Variants in DCC observed in about 807,000 individuals in gnomAD.
DCC encodes the protein netrin receptor DCC.
Under a neutral mutation model 172.5 loss-of-function variants are expected in DCC, and 58 were observed. The ratio of observed to expected loss-of-function variants is 0.34; its 90% CI spans 0.27 to 0.42. DCC has a LOEUF of 0.42. Ranked by LOEUF, DCC falls within the 10% of genes least tolerant of loss-of-function variation. The pLI, the probability that DCC is intolerant of heterozygous loss-of-function variation, is 1.00. For missense variants in DCC, 1,740 were observed against 1,791.0 expected (o/e 0.97, Z 0.51); for synonymous variants, 709 against 644.5 (o/e 1.10, Z -1.52).
At chr18:53,342,880 T>TATTCCTAAATATATATACATAGGTA (rs1568068827) in intron 15 of DCC, among the ~76,000 whole-genome samples, 1 of 148,014 alleles carries the variant, frequency 6.8e-6, no homozygotes, top group Admixed American at 6.8e-5. Context: ...TATATTTGAA[T>TATTCCTAAATATATATACATAGGTA]TATTTTAAAT....
At chr18:53,093,836 G>A (rs2043047318) in intron 7 of DCC, among the ~76,000 whole-genome samples, 1 of 152,140 alleles carries the variant, frequency 6.6e-6, no homozygotes, top group Non-Finnish European at 1.5e-5. Flanking sequence ...TTTGTATTCA[G>A]CGATAAACGC....
chr18:53,420,591 G>A (rs11082997), intron 21 of DCC, among the ~76,000 whole-genome samples: 65,700 of 151,958 alleles, frequency 0.43, 15,991 homozygotes, highest in Non-Finnish European at 0.56. Flanking sequence ...TGGCTTGCAG[G>A]TGGCCTTCTC....
chr18:52,970,828 A>G (rs1211607264), intron 5 of DCC, among the ~76,000 whole-genome samples: 1 of 152,128 alleles, frequency 6.6e-6, no homozygotes, highest in Non-Finnish European at 1.5e-5. Flanking sequence ...TAACAAGTGG[A>G]GCTTGGGGTA....
intron 2 of DCC, among the ~76,000 whole-genome samples, chr18:52,898,657 A>G (rs2039767036): frequency 6.6e-6 from 1 of 151,400 alleles, no homozygotes; most frequent in African/African-American, 2.4e-5. Flanking sequence ...GTCCCTACAG[A>G]TTTAGCAGCT....
intron 1 of DCC, among the ~76,000 whole-genome samples, chr18:52,740,173 A>G (rs1184817368): frequency 6.6e-6 from 1 of 152,152 alleles, no homozygotes. Flanking sequence ...CTGACCTTCT[A>G]GAGAGGCTTC....
intron 2 of DCC, among the ~76,000 whole-genome samples, chr18:52,798,977 G>C (rs939629581): frequency 3.3e-5 from 5 of 152,054 alleles, no homozygotes; most frequent in African/African-American, 1.2e-4. Flanking sequence ...TCGAACTCCT[G>C]ACCTTAGGCA....
intron 1 of DCC, among the ~76,000 whole-genome samples, chr18:52,712,035 C>T (rs1471762302): frequency 2.6e-5 from 4 of 151,772 alleles, no homozygotes; most frequent in African/African-American, 9.7e-5. Context: ...GACCTTGGCT[C>T]GCTGCAACCT....
At chr18:53,448,232 A>T (rs949776102) in intron 22 of DCC, among the ~76,000 whole-genome samples, 1 of 152,130 alleles carries the variant, frequency 6.6e-6, no homozygotes, top group Non-Finnish European at 1.5e-5. Context: ...CATAGCTGAG[A>T]CTGGGTAATT....
intron 12 of DCC, among the ~76,000 whole-genome samples, chr18:53,293,648 G>A (rs1448558430): frequency 6.6e-6 from 1 of 151,956 alleles, no homozygotes; most frequent in Non-Finnish European, 1.5e-5. Context: ...AGTAGGCCCT[G>A]GTGTCTTTTG....
intron 17 of DCC, among the ~76,000 whole-genome samples, chr18:53,395,450 C>A (rs1274485877): frequency 6.6e-6 from 1 of 152,054 alleles, no homozygotes; most frequent in Non-Finnish European, 1.5e-5. Context: ...TTCTTATTGC[C>A]TCATTTCTCC....
chr18:52,372,619 AT>A (rs76260524), intron 1 of DCC, among the ~76,000 whole-genome samples: 12,254 of 152,254 alleles, frequency 0.08, 706 homozygotes, highest in South Asian at 0.2. Flanking sequence ...ACTTTTTGTC[AT>A]TTAACGTGAG....
chr18:53,392,246 A>C (rs1377179732), intron 17 of DCC, among the ~76,000 whole-genome samples: 5 of 151,378 alleles, frequency 3.3e-5, no homozygotes, highest in Non-Finnish European at 7.4e-5. Flanking sequence ...TTCCATTTGG[A>C]ATCTAGATTG....
intron 15 of DCC, among the ~76,000 whole-genome samples, chr18:53,364,361 T>G (rs527796046): frequency 6.6e-6 from 1 of 152,112 alleles, no homozygotes; most frequent in African/African-American, 2.4e-5. Context: ...AAATTGCCCC[T>G]GTTTTTTTCA....
At chr18:52,483,979 T>C (rs764002187) in intron 1 of DCC, among the ~76,000 whole-genome samples, 2 of 152,152 alleles carry the variant, frequency 1.3e-5, no homozygotes, top group Admixed American at 6.6e-5. Flanking sequence ...GTTTTTAATA[T>C]CTAAGAGCTC....
At chr18:52,391,100 A>G (rs1377900220) in intron 1 of DCC, among the ~76,000 whole-genome samples, 2 of 152,060 alleles carry the variant, frequency 1.3e-5, no homozygotes, top group Non-Finnish European at 2.9e-5. Flanking sequence ...TTCTTAAACC[A>G]AAATTATAAA....
chr18:53,030,858 T>C (rs974431684), intron 5 of DCC, among the ~76,000 whole-genome samples: 1 of 152,166 alleles, frequency 6.6e-6, no homozygotes, highest in Non-Finnish European at 1.5e-5. Context: ...ACCTGCACAC[T>C]AGGAGGCAGG....
intron 5 of DCC, among the ~76,000 whole-genome samples, chr18:53,039,116 T>C (rs866951871): frequency 3.9e-5 from 6 of 152,152 alleles, no homozygotes; most frequent in Middle Eastern, 3.4e-3. Flanking sequence ...ATAGATTTAT[T>C]ACACAAAGTC....
intron 1 of DCC, among the ~76,000 whole-genome samples, chr18:52,530,357 AG>A: frequency 6.6e-6 from 1 of 152,170 alleles, no homozygotes; most frequent in Admixed American, 6.5e-5. Flanking sequence ...AGTAAGTTGG[AG>A]GGAAAAAAAC....
rs143242725 is a variant in DCC at position 52,524,707 on chromosome 18, G to A, written c.91+183829G>A. ...CAGTGGAGCCAAAGGGAGTGCATGAGCTTTGAGTATGCCTGCTGTTCATCC... is the reference window on the plus strand; with the variant it reads ...CAGTGGAGCCAAAGGGAGTGCATGAACTTTGAGTATGCCTGCTGTTCATCC... On this transcript the variant is annotated intron_variant, in intron 1 of 28. Coordinates refer to ENST00000442544, the MANE Select transcript of DCC (RefSeq NM_005215.4). Among the ~76,000 whole-genome samples the A allele has an allele frequency of 3.4e-3, 519 of 152,286 alleles. 11 individuals are homozygous for A. The highest frequency in any genetic ancestry group is 0.012 in the African/African-American group (487 of 41,562).
Sources: allele counts gnomAD v4.1 joint callset (sites outside exome capture counted in the v4.1 genomes callset), GRCh38; gene constraint gnomAD v4.1.1; transcripts MANE v1.5; gene names NCBI Gene and HGNC (gene_info 2026-07-23, HGNC 2026-07-21).